The following TMEM182 variants were observed in gnomAD, a reference collection of about 807,000 sequenced individuals.
TMEM182 encodes the protein transmembrane protein 182.
A neutral mutation model predicts 26.8 loss-of-function variants in TMEM182; 20 were observed. That is an observed-to-expected ratio of 0.75 (90% CI 0.53 to 1.09). TMEM182 has a LOEUF of 1.09. Among genes scored for constraint, TMEM182 ranks in the 50% least tolerant of loss-of-function variants. The probability of loss-of-function intolerance (pLI) is 0.00; values close to 1 mark genes in which losing one functional copy is unlikely to be tolerated. For synonymous variants in TMEM182, 109 were observed against 102.2 expected (o/e 1.07, Z -0.40); for missense variants, 277 against 275.5 (o/e 1.01, Z -0.04).
intron 3 of TMEM182, among the ~76,000 whole-genome samples, chr2:102,793,941 A>C (rs1351292195): frequency 1.3e-5 from 2 of 152,178 alleles, no homozygotes; most frequent in Non-Finnish European, 2.9e-5. Context: ...ATGGTGGCTC[A>C]TGCCTATAAT....
chr2:102,774,214 GC>G (rs1311539517), intron 3 of TMEM182, among the ~76,000 whole-genome samples: 4 of 145,924 alleles, frequency 2.7e-5, no homozygotes, highest in Admixed American at 2.7e-4. Context: ...TACAGATTCT[GC>G]ACATTCTCTG....
upstream of TMEM182, among the ~76,000 whole-genome samples, chr2:102,759,137 CT>C (rs1680134481): frequency 6.6e-6 from 1 of 151,970 alleles, no homozygotes; most frequent in Admixed American, 6.6e-5. Flanking sequence ...TTCTTTTCCC[CT>C]AATTAAAAAA....
chr2:102,808,572 T>A lies in TMEM182; in HGVS notation c.470-6176T>A, dbSNP rs2104748082. 2.0e-5 allele frequency among the ~76,000 whole-genome samples: 3 copies of A among 152,308 alleles called. No homozygotes were observed. The South Asian group carries it at 6.2e-4, about 32-fold the overall frequency. The stretch of plus-strand genomic sequence containing the variant: ...TCATTACCATATTTTTCTAAAATCA[T>A]TTGTCTAAGAAAATGTTATCCATTA... On this transcript the variant is annotated intron_variant, in intron 4 of 4. Coordinates refer to ENST00000412401, the MANE Select transcript of TMEM182 (RefSeq NM_144632.5).
intron 3 of TMEM182, among the ~76,000 whole-genome samples, chr2:102,791,081 G>A (rs749173039): frequency 1.3e-5 from 2 of 151,988 alleles, no homozygotes; most frequent in Admixed American, 6.6e-5. Context: ...GATTAGAGGC[G>A]TATGCCACCA....
rs117311012 is a variant in TMEM182 at position 102,739,365 on chromosome 2, C to T, written c.-83+2352C>T. ...AGTGTTCCTCAATTTTGATGTATAG[C>T]GTTCATATGGGTCCACTGCTGACAT... is the stretch of plus-strand genomic sequence containing the variant. On this transcript the variant is annotated intron_variant, in intron 1 of 5. Coordinates refer to the TMEM182 transcript ENST00000409173. 5.5e-4 allele frequency among the ~76,000 whole-genome samples: 84 copies of T among 152,276 alleles called. No homozygotes were observed. The East Asian group carries it at 0.014, about 26-fold the overall frequency.
intron 4 of TMEM182, among the ~76,000 whole-genome samples, chr2:102,807,537 G>C (rs1223877698): frequency 6.6e-6 from 1 of 152,178 alleles, no homozygotes; most frequent in East Asian, 1.9e-4. Context: ...GCTTTTCTCA[G>C]AAAGATTGTC....
chr2:102,819,079 G>A (rs528205957), downstream of TMEM182, among the ~76,000 whole-genome samples: 10 of 152,268 alleles, frequency 6.6e-5, 1 homozygote, highest in East Asian at 1.9e-4. Flanking sequence ...TCTTCTGGAC[G>A]TCTAGGAATT....
chr2:102,806,496 C>G (rs148580277), intron 4 of TMEM182, among the ~76,000 whole-genome samples: 1 of 152,206 alleles, frequency 6.6e-6, no homozygotes, highest in African/African-American at 2.4e-5. Flanking sequence ...GTCATCATTC[C>G]CTTACTCCTC....
At chr2:102,840,201 G>A (rs1247781289) in intron 3 of TMEM182, among the ~76,000 whole-genome samples, 1 of 152,158 alleles carries the variant, frequency 6.6e-6, no homozygotes, top group African/African-American at 2.4e-5. Context: ...GAAGGGTGGA[G>A]GCCTTGGGGA....
At chr2:102,826,943 G>A (rs1242521298) in intron 3 of TMEM182, among the ~76,000 whole-genome samples, 4 of 152,084 alleles carry the variant, frequency 2.6e-5, no homozygotes, top group Admixed American at 6.5e-5. Flanking sequence ...CCTTTTTAAA[G>A]TGAGGAATAC....
rs74551455 is a variant in TMEM182, at chr2:102,743,944, T to C, written c.-83+6931T>C. On this transcript the variant is annotated intron_variant, in intron 1 of 5. Coordinates refer to the TMEM182 transcript ENST00000409173. ...CTTATTGTGTATGAACCTAACAAAG[T>C]ACTTGAGGCAAAAACTAATAAGATT... is the stretch of plus-strand genomic sequence containing the variant. Among the ~76,000 whole-genome samples, 150 of 152,274 alleles carry C rather than the reference T, an allele frequency of 9.9e-4. 1 individual carries two copies. In the East Asian group the frequency reaches 0.019, roughly 19 times the overall value.
intron 1 of TMEM182, among the ~76,000 whole-genome samples, chr2:102,751,189 G>A (rs545749295): frequency 6.6e-6 from 1 of 152,280 alleles, no homozygotes; most frequent in East Asian, 1.9e-4. Flanking sequence ...TCGTGAGAGA[G>A]AGGGTTGCCC....
chr2:102,834,339 T>C, intron 3 of TMEM182: 1 of 976,706 alleles, frequency 1.0e-6, no homozygotes, highest in Non-Finnish European at 1.2e-6. Context: ...GTCTGTTTTT[T>C]TCTGTATATT....
intron 4 of TMEM182, among the ~76,000 whole-genome samples, chr2:102,805,015 C>G (rs1380204212): frequency 6.6e-6 from 1 of 152,208 alleles, no homozygotes; most frequent in East Asian, 1.9e-4. Context: ...CACCTTCCTT[C>G]AAATTTTAAT....
At chr2:102,810,678 C>T (rs999586823) in intron 4 of TMEM182, among the ~76,000 whole-genome samples, 63 of 151,976 alleles carry the variant, frequency 4.1e-4, no homozygotes, top group African/African-American at 1.4e-3. Flanking sequence ...TTCATGGATT[C>T]GGGGCTGGGT....
intron 1 of TMEM182, among the ~76,000 whole-genome samples, chr2:102,741,589 A>G (rs1039675854): frequency 3.9e-5 from 6 of 152,196 alleles, no homozygotes; most frequent in African/African-American, 1.4e-4. Flanking sequence ...TTTGTTTCAT[A>G]TGAAGGAAGA....
chr2:102,773,327 T>C (rs1298287168), intron 3 of TMEM182, among the ~76,000 whole-genome samples: 2 of 151,868 alleles, frequency 1.3e-5, no homozygotes, highest in Non-Finnish European at 2.9e-5. Flanking sequence ...TGGAGAAACC[T>C]AAGACATGGA....
rs557632171 is a variant in TMEM182, at chr2:102,742,971, A to G, written c.-83+5958A>G. On this transcript the variant is annotated intron_variant, in intron 1 of 5. Transcript: ENST00000409173. ...AGATAGATCAGAAACTTGAAACTACATAAATTAGTGAACAGTGTCAGAAAA... is the reference window on the plus strand; with the variant it reads ...AGATAGATCAGAAACTTGAAACTACGTAAATTAGTGAACAGTGTCAGAAAA... Among the ~76,000 whole-genome samples the G allele has an allele frequency of 4.6e-5, 7 of 152,314 alleles. No individual in the cohort carries two copies. In the South Asian group the frequency reaches 1.4e-3, roughly 32 times the overall value.
At chr2:102,790,030 G>A (rs1377331483) in intron 3 of TMEM182, among the ~76,000 whole-genome samples, 1 of 152,196 alleles carries the variant, frequency 6.6e-6, no homozygotes, top group Middle Eastern at 3.4e-3. Flanking sequence ...CCTGCCATTC[G>A]ACACCATAAT....
Sources: gnomAD v4.1 joint callset for allele counts (sites outside exome capture counted in the v4.1 genomes callset) on GRCh38, gnomAD v4.1.1 for gene constraint, MANE v1.5 for transcripts, NCBI Gene and HGNC (gene_info 2026-07-23, HGNC 2026-07-21) for gene names.